Variants in TNFSF4 observed in about 807,000 individuals in gnomAD.
TNFSF4 encodes TNF superfamily member 4.
TNFSF4 carries 4 observed loss-of-function variants against 7.3 expected under a neutral mutation model. The ratio of observed to expected loss-of-function variants is 0.55; its 90% confidence interval spans 0.27 to 1.25. The LOEUF is 1.25. Among genes scored for constraint, TNFSF4 ranks in the 50% most tolerant of loss-of-function variants. The pLI, the probability that TNFSF4 is intolerant of heterozygous loss-of-function variation, is 0.12. For missense variants in TNFSF4, 181 were observed against 208.8 expected, an observed-to-expected ratio of 0.87 and a Z score of 0.82; for synonymous variants, 76 against 83.7, an observed-to-expected ratio of 0.91 and a Z score of 0.50.
the TNFSF4 span, among the ~76,000 whole-genome samples, chr1:173,353,986 G>A: frequency 4.0e-5 from 6 of 151,680 alleles, no homozygotes; most frequent in African/African-American, 1.5e-4. Context: ...ACCAAAATCA[G>A]GGCTGAATTG....
the TNFSF4 span, among the ~76,000 whole-genome samples, chr1:173,316,027 C>G: frequency 6.6e-6 from 1 of 152,056 alleles, no homozygotes; most frequent in African/African-American, 2.4e-5. Flanking sequence ...GTTTTAGGTC[C>G]TGCATTTAAG....
downstream of TNFSF4, among the ~76,000 whole-genome samples, chr1:173,179,579 G>A (rs186037448): frequency 2.0e-4 from 31 of 152,254 alleles, no homozygotes; most frequent in Admixed American, 1.5e-3. Context: ...CAATGATGCT[G>A]ATATCCGTTG....
chr1:173,363,557 T>C, the TNFSF4 span: 1 of 507,794 alleles, frequency 2.0e-6, no homozygotes, highest in Non-Finnish European at 4.0e-6. Flanking sequence ...GCTCTGCTGT[T>C]GCTTTCTGGA....
At chr1:173,374,774 A>G in the TNFSF4 span, among the ~76,000 whole-genome samples, 6 of 152,208 alleles carry the variant, frequency 3.9e-5, no homozygotes, top group Admixed American at 1.3e-4. Context: ...GGCTCCTGCC[A>G]GGATAAAAAT....
At chr1:173,305,122 C>T in the TNFSF4 span, among the ~76,000 whole-genome samples, 1 of 151,954 alleles carries the variant, frequency 6.6e-6, no homozygotes, top group South Asian at 2.1e-4. Flanking sequence ...TATCCAGACA[C>T]CTAAGAGGCA....
the TNFSF4 span, among the ~76,000 whole-genome samples, chr1:173,214,221 G>A: frequency 3.3e-5 from 5 of 152,182 alleles, no homozygotes; most frequent in Non-Finnish European, 7.4e-5. Context: ...CAGTTGAGAC[G>A]AACTGAGGCT....
the TNFSF4 span, among the ~76,000 whole-genome samples, chr1:173,215,829 T>C: frequency 1.3e-5 from 2 of 152,098 alleles, no homozygotes; most frequent in African/African-American, 4.8e-5. Flanking sequence ...TGCTATAGGG[T>C]TTACATGGGA....
At chr1:173,405,688 T>G in the TNFSF4 span, among the ~76,000 whole-genome samples, 1 of 152,210 alleles carries the variant, frequency 6.6e-6, no homozygotes, top group Admixed American at 6.5e-5. Context: ...TTAAATTAAA[T>G]AAGATTGGCA....
At chr1:173,227,831 G>C in the TNFSF4 span, among the ~76,000 whole-genome samples, 2 of 152,334 alleles carry the variant, frequency 1.3e-5, no homozygotes, top group African/African-American at 4.8e-5. Context: ...ACAGAGCCTT[G>C]CTAATTACTA....
At position 173,186,267 on chromosome 1, in the gene TNFSF4, C is replaced by T. The variant is rs1649220980; in HGVS notation, c.*249G>A. 1 of 406,794 alleles carries T rather than the reference C, an allele frequency of 2.5e-6. No individual in the cohort carries two copies. Among genetic ancestry groups the T allele is most frequent in the Non-Finnish European group, 4.3e-6 (1 of 230,962 alleles). 25.2% of individuals were successfully genotyped at this position (406,794 alleles called of 1,614,324 possible). ...TTCTCACAAAGGTGCCTAGTAGGCTCAAGGCAATCTTGGGGTGTGACGGCT... is the reference window on the plus strand; with the variant it reads ...TTCTCACAAAGGTGCCTAGTAGGCTTAAGGCAATCTTGGGGTGTGACGGCT... On this transcript the variant is annotated 3_prime_UTR_variant, in exon 3 of 3. Transcript: ENST00000281834.
chr1:173,385,219 A>T, the TNFSF4 span, among the ~76,000 whole-genome samples: 11,512 of 152,230 alleles, frequency 0.076, 603 homozygotes, highest in East Asian at 0.27. Context: ...ATTATTATGA[A>T]ATTCTACCAA....
chr1:173,307,115 C>T, the TNFSF4 span, among the ~76,000 whole-genome samples: 1 of 151,796 alleles, frequency 6.6e-6, no homozygotes, highest in South Asian at 2.1e-4. Context: ...ACATAAAATA[C>T]TTTATAAAAT....
At chr1:173,219,216 A>G in the TNFSF4 span, among the ~76,000 whole-genome samples, 1 of 152,100 alleles carries the variant, frequency 6.6e-6, no homozygotes, top group African/African-American at 2.4e-5. Flanking sequence ...GCTAGCTAAC[A>G]CAGGAGTTTT....
At chr1:173,215,102 G>A in the TNFSF4 span, among the ~76,000 whole-genome samples, 4 of 152,168 alleles carry the variant, frequency 2.6e-5, no homozygotes, top group African/African-American at 9.6e-5. Flanking sequence ...TGGTCTGATG[G>A]AATTTAGGGC....
At chr1:173,423,691 T>C in the TNFSF4 span, among the ~76,000 whole-genome samples, 9 of 152,176 alleles carry the variant, frequency 5.9e-5, no homozygotes, top group Admixed American at 4.6e-4. Context: ...GATGGAGAAG[T>C]AACAATTTGT....
At chr1:173,360,398 TG>T in the TNFSF4 span, among the ~76,000 whole-genome samples, 1 of 152,244 alleles carries the variant, frequency 6.6e-6, no homozygotes, top group South Asian at 2.1e-4. Context: ...CCACTACCTG[TG>T]GGTTGCAATA....
the TNFSF4 span, among the ~76,000 whole-genome samples, chr1:173,262,567 A>G: frequency 6.7e-6 from 1 of 149,176 alleles, no homozygotes; most frequent in Non-Finnish European, 1.5e-5. Flanking sequence ...ACATGATTCT[A>G]TATCTAGAAA....
the TNFSF4 span, among the ~76,000 whole-genome samples, chr1:173,364,783 G>T: frequency 6.6e-6 from 1 of 152,054 alleles, no homozygotes; most frequent in Non-Finnish European, 1.5e-5. Context: ...ACCACTAACT[G>T]TTCAAGGGGA....
chr1:173,264,410 C>T, the TNFSF4 span, among the ~76,000 whole-genome samples: 2 of 151,112 alleles, frequency 1.3e-5, no homozygotes, highest in Admixed American at 6.6e-5. Context: ...TTCTCCTGGC[C>T]TCCCAAAGTG....
Sources: allele counts gnomAD v4.1 joint callset (sites outside exome capture counted in the v4.1 genomes callset), GRCh38; gene constraint gnomAD v4.1.1; transcripts MANE v1.5; gene names NCBI Gene and HGNC (gene_info 2026-07-23, HGNC 2026-07-21).